Variants in STK32B observed in about 807,000 individuals in gnomAD.
STK32B encodes serine/threonine kinase 32B, also known as serine/threonine-protein kinase 32B.
In STK32B, 43 loss-of-function variants were observed where a neutral mutation model predicts 52.6. The observed-to-expected ratio is 0.82, with a 90% CI of 0.64 to 1.05. STK32B has a LOEUF of 1.05. Ranked by LOEUF, STK32B falls within the 50% of genes least tolerant of loss-of-function variation. STK32B has a pLI of 0.00. For missense variants in STK32B, 621 were observed against 534.6 expected (o/e 1.16, Z -1.59); for synonymous variants, 238 against 204.3 (o/e 1.17, Z -1.41).
intron 11 of STK32B, 129 bp downstream of exon 11, chr4:5,468,199 GAC>G: frequency 3.5e-6 from 3 of 859,506 alleles, no homozygotes; most frequent in Non-Finnish European, 5.7e-6. Context: ...GCTGAGGTGA[GAC>G]ACAGGGCTCT....
chr4:5,113,225 C>G (rs964649674), intron 1 of STK32B, among the ~76,000 whole-genome samples: 3 of 152,154 alleles, frequency 2.0e-5, no homozygotes, highest in Admixed American at 6.5e-5. Flanking sequence ...ACAGACCCCT[C>G]GTCTCTTTCA....
intron 1 of STK32B, among the ~76,000 whole-genome samples, chr4:5,093,934 A>G (rs1484164797): frequency 5.3e-5 from 8 of 152,186 alleles, no homozygotes; most frequent in Non-Finnish European, 1.2e-4. Context: ...TACAAGAAAA[A>G]GTTGAATTGC....
At chr4:5,480,579 G>A (rs776937296) in intron 11 of STK32B, among the ~76,000 whole-genome samples, 4 of 149,394 alleles carry the variant, frequency 2.7e-5, no homozygotes, top group African/African-American at 4.9e-5. Context: ...TGGAGACCAC[G>A]TTTTTTTTTT....
chr4:5,486,725 T>A (rs181331890), intron 11 of STK32B, among the ~76,000 whole-genome samples: 442 of 152,366 alleles, frequency 2.9e-3, no homozygotes, highest in Non-Finnish European at 5.0e-3. Context: ...AGTTCCTATT[T>A]AGGGGACTGG....
intron 5 of STK32B, among the ~76,000 whole-genome samples, chr4:5,408,998 C>T (rs1451782033): frequency 6.6e-6 from 1 of 152,126 alleles, no homozygotes; most frequent in East Asian, 1.9e-4. Flanking sequence ...ATTCTGGCTG[C>T]AGGAGCTTGG....
chr4:5,436,554 C>T (rs528412204), intron 6 of STK32B: 1 of 983,792 alleles, frequency 1.0e-6, no homozygotes, highest in African/African-American at 1.7e-5. Flanking sequence ...GGAGGTCTCT[C>T]TGGGTCCAGA....
At chr4:5,071,648 T>C (rs935974930) in intron 1 of STK32B, among the ~76,000 whole-genome samples, 1 of 152,194 alleles carries the variant, frequency 6.6e-6, no homozygotes, top group African/African-American at 2.4e-5. Context: ...GCCATCAATC[T>C]TCCTGGAGAA....
At chr4:5,407,370 CT>C (rs1737749493) in intron 5 of STK32B, among the ~76,000 whole-genome samples, 1 of 152,144 alleles carries the variant, frequency 6.6e-6, no homozygotes, top group African/African-American at 2.4e-5. Flanking sequence ...CCTCCGCACT[CT>C]TCCAACCTCT....
At chr4:5,055,144 C>A (rs1341242071) in intron 1 of STK32B, among the ~76,000 whole-genome samples, 1 of 152,104 alleles carries the variant, frequency 6.6e-6, no homozygotes, top group Non-Finnish European at 1.5e-5. Context: ...GGCTGGAGGG[C>A]AGTGGTGGGA....
intron 11 of STK32B, among the ~76,000 whole-genome samples, chr4:5,496,366 A>G (rs534051098): frequency 1.1e-3 from 163 of 152,272 alleles, no homozygotes; most frequent in Non-Finnish European, 1.6e-3. Context: ...CTCCGTGGGC[A>G]TAGGACCCTC....
At chr4:5,276,086 CAA>C (rs953184472) in intron 3 of STK32B, among the ~76,000 whole-genome samples, 5 of 152,034 alleles carry the variant, frequency 3.3e-5, no homozygotes, top group Non-Finnish European at 7.4e-5. Flanking sequence ...GTCAGGAGTT[CAA>C]GACCAGCCTG....
chr4:5,306,141 G>A (rs1729912743), intron 3 of STK32B, among the ~76,000 whole-genome samples: 1 of 152,088 alleles, frequency 6.6e-6, no homozygotes, highest in Admixed American at 6.6e-5. Context: ...CTATCTTGGA[G>A]AATGTTCCAT....
chr4:5,257,532 G>C (rs1445342228), intron 3 of STK32B, among the ~76,000 whole-genome samples: 1 of 152,180 alleles, frequency 6.6e-6, no homozygotes, highest in African/African-American at 2.4e-5. Flanking sequence ...GGGTCTTCTT[G>C]CTTCTACCCT....
chr4:5,051,860 G>T lies in STK32B; in HGVS notation c.-4G>T. On this transcript the variant is annotated 5_prime_UTR_variant, in exon 1 of 12. Transcript: ENST00000282908. ...GCATGTAGCAGCGGCAGCAACGGCG[G>T]AATATGGGCGGGAACCACTCCCACA... The T allele has an allele frequency of 6.3e-7, 1 of 1,597,800 alleles. No individual in the cohort carries two copies. The highest frequency in any genetic ancestry group is 1.1e-5 in the South Asian group (1 of 88,068).
rs533964489 is a variant in STK32B at position 5,417,785 on chromosome 4, C to T, written c.562+851C>T. Among the ~76,000 whole-genome samples the T allele has an allele frequency of 2.5e-4, 38 of 152,284 alleles. No individual in the cohort carries two copies. The South Asian group carries it at 5.2e-3, about 21-fold the overall frequency. On this transcript the variant is annotated intron_variant, in intron 6 of 11. Coordinates refer to ENST00000282908, the MANE Select transcript of STK32B (RefSeq NM_018401.3). ...ACATAGTGGTTTAAGACAATCACAA[C>T]GTTATTTCTCACAATTCTTTTGGTT...
rs1334182188 is a variant in STK32B, at chr4:5,386,777, T to A, written c.435-11430T>A. ...AAAATGACCAGGTCGTTCCGGGTGGTGGCTGGACCCTCCATTGGGTCCAAC... is the reference window on the plus strand; with the variant it reads ...AAAATGACCAGGTCGTTCCGGGTGGAGGCTGGACCCTCCATTGGGTCCAAC... On this transcript the variant is annotated intron_variant, in intron 4 of 11. Coordinates refer to ENST00000282908, the MANE Select transcript of STK32B (RefSeq NM_018401.3). The surrounding 1 kb of genome is among the most constrained non-coding windows in gnomAD (Gnocchi z 4.5). 6.6e-6 allele frequency among the ~76,000 whole-genome samples: 1 copy of A among 152,206 alleles called. No homozygotes were observed.
intron 2 of STK32B, among the ~76,000 whole-genome samples, chr4:5,167,873 G>A (rs573396909): frequency 6.6e-6 from 1 of 152,268 alleles, no homozygotes; most frequent in Non-Finnish European, 1.5e-5. Flanking sequence ...AGGCAGGTAG[G>A]TGCAGAAGTG....
intron 2 of STK32B, among the ~76,000 whole-genome samples, chr4:5,143,822 A>G: frequency 1.3e-5 from 1 of 74,670 alleles, no homozygotes; most frequent in Non-Finnish European, 4.3e-5. Context: ...TCCATCATTC[A>G]TGCTGGCTTC....
chr4:5,139,559 T>G, intron 1 of STK32B: 1 of 255,648 alleles, frequency 3.9e-6, no homozygotes. Context: ...AGGATGTCCA[T>G]GGGATTTACT....
Sources: allele counts gnomAD v4.1 joint callset (sites outside exome capture counted in the v4.1 genomes callset), GRCh38; gene constraint gnomAD v4.1.1; non-coding constraint Gnocchi (gnomAD v3.1); transcripts MANE v1.5; gene names NCBI Gene and HGNC (gene_info 2026-07-23, HGNC 2026-07-21).